Variants in MLIP observed in about 807,000 individuals in gnomAD.
MLIP encodes muscular LMNA-interacting protein.
Under a neutral mutation model 84.8 loss-of-function variants are expected in MLIP, and 79 were observed. The ratio of observed to expected loss-of-function variants is 0.93; its 90% confidence interval spans 0.78 to 1.12. The LOEUF is 1.12. Ranked by LOEUF, MLIP falls within the 50% of genes most tolerant of loss-of-function variation. The probability of loss-of-function intolerance (pLI) is 0.00; values close to 1 mark genes in which losing one functional copy is unlikely to be tolerated. For missense variants in MLIP, 1,257 were observed against 1,160.6 expected (o/e 1.08, Z -1.21); for synonymous variants, 504 against 463.0 (o/e 1.09, Z -1.14).
intron 11 of MLIP, among the ~76,000 whole-genome samples, chr6:54,205,084 C>A (rs544479866): frequency 1.3e-4 from 20 of 152,248 alleles, no homozygotes; most frequent in Admixed American, 2.6e-4. Context: ...TGTCAACTGG[C>A]CTTTTTATGT....
intron 1 of MLIP, among the ~76,000 whole-genome samples, chr6:54,084,586 A>G (rs913729314): frequency 3.3e-5 from 5 of 152,216 alleles, no homozygotes; most frequent in Non-Finnish European, 7.3e-5. Context: ...GTGTACATAT[A>G]CAATAGCTGG....
intron 9 of MLIP, among the ~76,000 whole-genome samples, chr6:54,178,406 A>G (rs1776517728): frequency 6.6e-6 from 1 of 151,682 alleles, no homozygotes; most frequent in African/African-American, 2.4e-5. Context: ...TTTGTTTCAA[A>G]TTTATTTATT....
intron 1 of MLIP, among the ~76,000 whole-genome samples, chr6:54,060,047 G>A (rs565779606): frequency 1.9e-5 from 1 of 52,006 alleles, no homozygotes; most frequent in Non-Finnish European, 9.9e-5. Context: ...TAAATTTAAT[G>A]CTCCTGTATA....
Position 54,040,417 on chromosome 6 carries a change from AGATGTTG to A in MLIP, c.63+21328_63+21334del, listed in dbSNP as rs551433259. On this transcript the variant is annotated intron_variant, in intron 1 of 12. Coordinates refer to the MLIP transcript ENST00000274897. The stretch of plus-strand genomic sequence containing the variant: ...GCTAGTATTAAAAGTCAAAAATAAC[AGATGTTG>A]GCAAGGCTACAGAAAAAAGGGAACA... 3.5e-4 allele frequency among the ~76,000 whole-genome samples: 54 copies of A among 152,172 alleles called. No homozygotes were observed. The South Asian group carries it at 9.3e-3, about 26-fold the overall frequency.
At chr6:54,120,604 A>G (rs532180041) in intron 1 of MLIP, among the ~76,000 whole-genome samples, 1 of 152,302 alleles carries the variant, frequency 6.6e-6, no homozygotes, top group South Asian at 2.1e-4. Flanking sequence ...TCATTTTTCA[A>G]TCAACAATGT....
At chr6:54,245,667 TG>T (rs950141331) in intron 12 of MLIP, among the ~76,000 whole-genome samples, 33 of 152,300 alleles carry the variant, frequency 2.2e-4, no homozygotes, top group African/African-American at 5.3e-4. Context: ...GAAAAGCTAT[TG>T]TTTTTTTAAA....
chr6:54,099,362 A>AT (rs1474791273), intron 1 of MLIP, among the ~76,000 whole-genome samples: 1 of 152,156 alleles, frequency 6.6e-6, no homozygotes, highest in African/African-American at 2.4e-5. Flanking sequence ...TTTAATAACT[A>AT]TGCACTGAAA....
chr6:54,221,922 A>T (rs1562075427), intron 11 of MLIP, among the ~76,000 whole-genome samples: 1 of 152,100 alleles, frequency 6.6e-6, no homozygotes, highest in Admixed American at 6.5e-5. Context: ...ATCACAAAAA[A>T]TTTATAAATT....
rs147121080 is a variant in MLIP, at chr6:54,169,538, C to T, written c.2510C>T (p.Thr837Ile). 6.7e-5 allele frequency: 106 copies of T among 1,591,498 alleles called. No individual in the cohort carries two copies. Among genetic ancestry groups the T allele is most frequent in the Non-Finnish European group, 8.9e-5 (104 of 1,169,168 alleles). The part of the protein sequence containing the change: ...LGSDTVKTPT[T>I]LPRAAGRETK... ...TTTATTTTCATACAGACTCCTACAA[C>T]TCTTCCAAGAGCAGCTGGTCGAGAA... The change falls in exon 9 of 14, where the codon ACT becomes ATT. Residue 837 changes from threonine to isoleucine, a missense_variant. By Grantham distance (89) the Thr-to-Ile change is moderately conservative. Transcript: ENST00000502396.
chr6:54,193,826 C>T (rs1778108074), intron 10 of MLIP, among the ~76,000 whole-genome samples: 1 of 152,082 alleles, frequency 6.6e-6, no homozygotes. Context: ...CAAAGCTTTC[C>T]TAGCTGTTGA....
chr6:54,101,929 A>G (rs1768681565), intron 1 of MLIP, among the ~76,000 whole-genome samples: 2 of 152,152 alleles, frequency 1.3e-5, no homozygotes, highest in Non-Finnish European at 2.9e-5. Flanking sequence ...TTGAGAATGG[A>G]TACTGGAAGC....
chr6:54,145,132 G>T (rs761546053), intron 4 of MLIP, among the ~76,000 whole-genome samples: 25 of 152,172 alleles, frequency 1.6e-4, no homozygotes, highest in Non-Finnish European at 2.9e-4. Context: ...TGCCTTGTTT[G>T]CCAGATTCAG....
intron 1 of MLIP, among the ~76,000 whole-genome samples, chr6:54,035,145 T>C (rs754642157): frequency 7.9e-5 from 12 of 152,156 alleles, no homozygotes; most frequent in Non-Finnish European, 1.5e-4. Context: ...GTTTACTCCA[T>C]GAGGTTTACA....
At chr6:54,226,869 A>G (rs553247734) in intron 11 of MLIP, among the ~76,000 whole-genome samples, 3 of 152,204 alleles carry the variant, frequency 2.0e-5, no homozygotes, top group Non-Finnish European at 4.4e-5. Context: ...TGGGGTGACT[A>G]ACTCATCGCA....
At chr6:54,215,480 T>C in intron 11 of MLIP, 1 of 984,934 alleles carries the variant, frequency 1.0e-6, no homozygotes, top group Non-Finnish European at 1.3e-6. Flanking sequence ...TATTGCAGTA[T>C]AATTGACAAA....
chr6:54,142,942 C>T (rs536306453), intron 4 of MLIP, among the ~76,000 whole-genome samples: 137 of 152,194 alleles, frequency 9.0e-4, no homozygotes, highest in Admixed American at 1.8e-3. Flanking sequence ...TGAAACTAGC[C>T]TTATGTGCTT....
Position 54,019,572 on chromosome 6 carries a change from G to A in MLIP, c.63+481G>A, listed in dbSNP as rs116213400. On this transcript the variant is annotated intron_variant, in intron 1 of 12. Coordinates refer to the MLIP transcript ENST00000274897. Reference sequence around the variant, plus strand: ...CCATAGAAGTTATACAAGTAATTTTGCCTTGATACTAAGCAATTAAATGTC... The same window carrying A: ...CCATAGAAGTTATACAAGTAATTTTACCTTGATACTAAGCAATTAAATGTC... Among the ~76,000 whole-genome samples the A allele has an allele frequency of 9.2e-3, 1,397 of 152,240 alleles. 10 individuals carry two copies. The highest frequency in any genetic ancestry group is 0.02 in the Middle Eastern group (6 of 294).
rs1283256910 is a variant in MLIP at position 54,203,712 on chromosome 6, A to C, written c.2718+1479A>C. 5 of 152,162 alleles carry C rather than the reference A, an allele frequency of 3.3e-5. No homozygotes were observed. In the East Asian group the frequency reaches 9.7e-4, roughly 30 times the overall value. 9.4% of individuals were successfully genotyped at this position (152,162 alleles called of 1,614,324 possible). ...GCGATTCTCCTGCCTCAGCTTCCTG[A>C]GTAGCTGGGATTACAGGCGCCTGCC... On this transcript the variant is annotated intron_variant, in intron 11 of 13. Transcript: ENST00000502396.
chr6:54,244,762 A>G (rs1171235800), intron 12 of MLIP, among the ~76,000 whole-genome samples: 1 of 152,198 alleles, frequency 6.6e-6, no homozygotes. Flanking sequence ...ACTGAGAACA[A>G]TCAATTTCTT....
Sources: allele counts gnomAD v4.1 joint callset (sites outside exome capture counted in the v4.1 genomes callset), GRCh38; gene constraint gnomAD v4.1.1; transcripts MANE v1.5; gene names NCBI Gene and HGNC (gene_info 2026-07-23, HGNC 2026-07-21).